MAML3: variants seen among roughly 807,000 people sequenced by gnomAD.
The protein encoded by MAML3 is mastermind-like protein 3.
A neutral mutation model predicts 101.9 loss-of-function variants in MAML3; 27 were observed. That is an observed-to-expected ratio of 0.27 (90% CI 0.20 to 0.37). MAML3 has a LOEUF of 0.37. Among genes scored for constraint, MAML3 ranks in the 10% least tolerant of loss-of-function variants. The probability of loss-of-function intolerance (pLI) is 1.00; values close to 1 mark genes in which losing one functional copy is unlikely to be tolerated. For missense variants in MAML3, 1,316 were observed against 1,444.9 expected, an observed-to-expected ratio of 0.91 and a Z score of 1.45; for synonymous variants, 501 against 555.9, an observed-to-expected ratio of 0.90 and a Z score of 1.39.
intron 2 of MAML3, among the ~76,000 whole-genome samples, chr4:139,810,455 G>A (rs1047839115): frequency 6.6e-6 from 1 of 151,988 alleles, no homozygotes; most frequent in African/African-American, 2.4e-5. Context: ...CTCCCAAAGT[G>A]TTGGAATTAC....
At chr4:140,136,486 C>T (rs1728884672) in intron 1 of MAML3, among the ~76,000 whole-genome samples, 2 of 152,190 alleles carry the variant, frequency 1.3e-5, no homozygotes, top group African/African-American at 4.8e-5. Flanking sequence ...TCTCAGATGA[C>T]ATGAATCTTA....
At chr4:140,106,279 T>G (rs1728350421) in intron 1 of MAML3, among the ~76,000 whole-genome samples, 1 of 152,212 alleles carries the variant, frequency 6.6e-6, no homozygotes, top group South Asian at 2.1e-4. Flanking sequence ...ATCCTTCTAA[T>G]TAGCCCTGGT....
chr4:139,895,694 T>C (rs10029731), intron 1 of MAML3, among the ~76,000 whole-genome samples: 108,930 of 152,140 alleles, frequency 0.72, 41,043 homozygotes, highest in Non-Finnish European at 0.85. Flanking sequence ...TAATGTTTTC[T>C]AAGCATCTGA....
intron 1 of MAML3, among the ~76,000 whole-genome samples, chr4:140,062,663 T>C (rs1215724247): frequency 6.6e-6 from 1 of 152,234 alleles, no homozygotes; most frequent in Non-Finnish European, 1.5e-5. Flanking sequence ...GCTATAAGCT[T>C]AGAAATCAGT....
intron 1 of MAML3, among the ~76,000 whole-genome samples, chr4:139,959,026 T>C (rs1003273003): frequency 6.6e-6 from 1 of 152,162 alleles, no homozygotes; most frequent in Non-Finnish European, 1.5e-5. Flanking sequence ...AGACCATTTT[T>C]TCTAGGTGGG....
chr4:139,905,781 C>T (rs189712676), intron 1 of MAML3, among the ~76,000 whole-genome samples: 263 of 152,290 alleles, frequency 1.7e-3, no homozygotes, highest in African/African-American at 6.1e-3. Context: ...TGGCATCTTC[C>T]TGTGGTCCAA....
intron 2 of MAML3, among the ~76,000 whole-genome samples, chr4:139,793,042 G>C (rs368493532): frequency 6.6e-6 from 1 of 152,024 alleles, no homozygotes; most frequent in Non-Finnish European, 1.5e-5. Context: ...CACCGCGCCC[G>C]GCAGAACTGG....
At chr4:139,973,709 C>CT (rs908471265) in intron 1 of MAML3, among the ~76,000 whole-genome samples, 1 of 152,190 alleles carries the variant, frequency 6.6e-6, no homozygotes, top group East Asian at 1.9e-4. Context: ...ATCAAAACCA[C>CT]TTATTCTCCA....
chr4:139,951,777 A>T lies in MAML3; in HGVS notation c.469-60810T>A, dbSNP rs185072429. 7.5e-4 allele frequency among the ~76,000 whole-genome samples: 114 copies of T among 151,534 alleles called. 3 individuals carry two copies. The East Asian group carries it at 0.019, about 25-fold the overall frequency. On this transcript the variant is annotated intron_variant, in intron 1 of 4. Coordinates refer to ENST00000509479, the MANE Select transcript of MAML3 (RefSeq NM_018717.5). The stretch of plus-strand genomic sequence containing the variant: ...CCAGTAGCAGGAAAGTTTGGTAAGC[A>T]AAAAAAGATCCCAGAAAATTTCTGG...
chr4:139,968,807 GCA>G lies in MAML3; in HGVS notation c.469-77842_469-77841del, dbSNP rs952894474. On this transcript the variant is annotated intron_variant, in intron 1 of 4. Coordinates refer to ENST00000509479, the MANE Select transcript of MAML3 (RefSeq NM_018717.5). ...CATGACCATTTAAATGCCTTCATTT[GCA>G]CACACTTTAGTGGTTGCAGGGAGTA... is the stretch of plus-strand genomic sequence containing the variant. 6.6e-5 allele frequency among the ~76,000 whole-genome samples: 10 copies of G among 152,148 alleles called. No homozygotes were observed. The East Asian group carries it at 1.2e-3, about 18-fold the overall frequency.
intron 2 of MAML3, among the ~76,000 whole-genome samples, chr4:139,800,490 T>A (rs6832709): frequency 0.29 from 44,558 of 152,074 alleles, 6,886 homozygotes; most frequent in East Asian, 0.61. Context: ...AATTCATCAC[T>A]TACTGAAAAG....
intron 2 of MAML3, among the ~76,000 whole-genome samples, chr4:139,845,258 G>A (rs1335086535): frequency 1.3e-5 from 2 of 152,154 alleles, no homozygotes; most frequent in East Asian, 1.9e-4. Context: ...GTGACAGAGA[G>A]GGGGAACTAG....
intron 1 of MAML3, among the ~76,000 whole-genome samples, chr4:140,069,733 C>T (rs1004783446): frequency 7.3e-5 from 11 of 151,382 alleles, no homozygotes; most frequent in Non-Finnish European, 1.2e-4. Context: ...AAGAAGGAGC[C>T]GGGATGCATT....
intron 2 of MAML3, among the ~76,000 whole-genome samples, chr4:139,857,301 G>A (rs147315292): frequency 6.6e-6 from 1 of 152,252 alleles, no homozygotes; most frequent in Non-Finnish European, 1.5e-5. Context: ...AAATACATCC[G>A]ACAAAGCCAA....
At chr4:139,866,064 G>C (rs1023804092) in intron 2 of MAML3, among the ~76,000 whole-genome samples, 32 of 152,382 alleles carry the variant, frequency 2.1e-4, no homozygotes, top group African/African-American at 7.2e-4. Context: ...ACAACACAGA[G>C]CCAGGGATGG....
At chr4:139,810,315 C>A (rs1359269009) in intron 2 of MAML3, among the ~76,000 whole-genome samples, 1 of 151,352 alleles carries the variant, frequency 6.6e-6, no homozygotes, top group Non-Finnish European at 1.5e-5. Context: ...GCCTCAGCCT[C>A]CTGAGTAGCT....
chr4:140,066,659 G>C (rs758995889), intron 1 of MAML3, among the ~76,000 whole-genome samples: 1 of 152,148 alleles, frequency 6.6e-6, no homozygotes, highest in Non-Finnish European at 1.5e-5. Context: ...GCTGAAAAAT[G>C]ACTCTATTTC....
intron 1 of MAML3, among the ~76,000 whole-genome samples, chr4:140,063,794 T>A (rs201295347): frequency 2.0e-5 from 3 of 148,884 alleles, no homozygotes; most frequent in South Asian, 2.1e-4. Context: ...TTGCTTGCTT[T>A]AAAAAAAAAA....
Position 140,118,572 on chromosome 4 carries a change from T to TG in MAML3, c.468+34287dup, listed in dbSNP as rs1728552362. ...ATTGAAAATATTTTGGGGCCTGGTG[T>TG]GGTGGCTCACACCTGTAATCCCAGC... On this transcript the variant is annotated intron_variant, in intron 1 of 4. Coordinates refer to ENST00000509479, the MANE Select transcript of MAML3 (RefSeq NM_018717.5). Among the ~76,000 whole-genome samples the TG allele has an allele frequency of 3.3e-5, 5 of 152,222 alleles. No homozygotes were observed. The South Asian group carries it at 1.0e-3, about 32-fold the overall frequency.
Sources: allele counts gnomAD v4.1 joint callset (sites outside exome capture counted in the v4.1 genomes callset), GRCh38; gene constraint gnomAD v4.1.1; transcripts MANE v1.5; gene names NCBI Gene and HGNC (gene_info 2026-07-23, HGNC 2026-07-21).